The following ATG2A variants were observed in gnomAD, a reference collection of about 807,000 sequenced individuals.
ATG2A encodes autophagy related 2A.
A neutral mutation model predicts 214.2 loss-of-function variants in ATG2A; 103 were observed. The ratio of observed to expected loss-of-function variants is 0.48; its 90% CI spans 0.41 to 0.57. The LOEUF (loss-of-function observed/expected upper bound fraction) is 0.57. ATG2A is among the 20% of genes least tolerant of loss of function. ATG2A has a pLI of 0.00. For missense variants in ATG2A, 2,312 were observed against 2,613.2 expected (o/e 0.88, Z 2.51); for synonymous variants, 1,160 against 1,142.1 (o/e 1.02, Z -0.32).
At position 64,902,719 on chromosome 11, in the gene ATG2A, A is replaced by T. The variant is rs118066863; in HGVS notation, c.3613-39T>A. The T allele has an allele frequency of 8.5e-4, 1,344 of 1,585,152 alleles. 15 individuals carry two copies. The East Asian group carries it at 0.024, about 29-fold the overall frequency. On this transcript the variant is annotated intron_variant, in intron 26 of 40. Coordinates refer to ENST00000377264, the MANE Select transcript of ATG2A (RefSeq NM_015104.3). ...GTGGGGGGAGCAGCTATGTGAACAC[A>T]GGGGCCACTGCCTGCTGGCCCCACC...
At position 64,913,258 on chromosome 11, in the gene ATG2A, C is replaced by CCGCTCA; in HGVS notation, c.726+2_726+7dup. 1 of 1,612,036 alleles carries CCGCTCA rather than the reference C, an allele frequency of 6.2e-7. No individual in the cohort carries two copies. Among genetic ancestry groups the CCGCTCA allele is most frequent in the Non-Finnish European group, 8.5e-7 (1 of 1,179,774 alleles). ...AGACAGGGGCTGTGGGAATCAGAGCCCGCTCACCTGTGCCGGGAGCTCCTC... is the reference window on the plus strand; with the variant it reads ...AGACAGGGGCTGTGGGAATCAGAGCCCGCTCACGCTCACCTGTGCCGGGAGCTCCTC... On this transcript the variant is annotated splice_region_variant and intron_variant, in intron 5 of 40. Transcript: ENST00000377264. This position sits in a 1 kb window ranked among gnomAD's most constrained non-coding sequence, Gnocchi z 4.3.
Position 64,907,768 on chromosome 11 carries a change from G to A in ATG2A, c.2487C>T (p.Val829=). 6.2e-7 allele frequency: 1 copy of A among 1,613,458 alleles called. No individual in the cohort carries two copies. Residue 829 remains valine, a synonymous_variant, in exon 17 of 41, where the codon GTC becomes GTT. Coordinates refer to ENST00000377264, the MANE Select transcript of ATG2A (RefSeq NM_015104.3). The part of the protein sequence containing the change: ...SVHIFLPSKE[V]YESIYNRINN... ...TCCACCTGTTGTAGATGCTCTCGTA[G>A]ACCTCCTTGCTGGGCAGAAAGATGT...
chr11:64,910,264 T>C, intron 12 of ATG2A, 69 bp from the exon 13 acceptor site: 1 of 1,509,802 alleles, frequency 6.6e-7, no homozygotes. Flanking sequence ...GAAGGCCCTC[T>C]CTGGTAGTGG....
rs558747985 is a variant in ATG2A at position 64,906,756 on chromosome 11, G to A, written c.2892C>T (p.His964=). The change falls in exon 20 of 41, where the codon CAC becomes CAT. Residue 964 remains histidine, a synonymous_variant. Transcript: ENST00000377264. ...ACTGGGAGACGCTGAAGAGGGTACC[G>A]TGCTCCATGTCCAGCACCAGCTCCC... ...VHGELVLDME[H]GTLFSVSQYC... is the part of the protein sequence containing the mutation. 1.1e-5 allele frequency: 18 copies of A among 1,613,494 alleles called. No individual in the cohort carries two copies. In the Admixed American group the frequency reaches 1.2e-4, roughly 10 times the overall value.
In ATG2A at chr11:64,897,717, G is replaced by A; in HGVS notation, c.5021C>T (p.Pro1674Leu). 6.2e-7 allele frequency: 1 copy of A among 1,614,236 alleles called. No individual in the cohort carries two copies. Among genetic ancestry groups the A allele is most frequent in the South Asian group, 1.1e-5 (1 of 91,086 alleles). Residue 1674 changes from proline to leucine, a missense_variant, in exon 36 of 41, where the codon CCC becomes CTC. Pro to Leu is a moderately conservative substitution (Grantham distance 98). Coordinates refer to ENST00000377264, the MANE Select transcript of ATG2A (RefSeq NM_015104.3). ...FREFRFTSEV[P>L]IWLDYHGKHV... ...CTTGCCATGGTAATCCAGCCAGATG[G>A]GGACCTCAGACGTGAAGCGGAACTC... is the stretch of plus-strand genomic sequence containing the variant.
rs1343517455 is a variant in ATG2A, at chr11:64,905,599, C to T, written c.3428G>A (p.Ser1143Asn). 6.2e-7 allele frequency: 1 copy of T among 1,613,464 alleles called. No homozygotes were observed. The highest frequency in any genetic ancestry group is 1.7e-4 in the Middle Eastern group (1 of 6,032). The change falls in exon 24 of 41, where the codon AGC (serine) becomes AAC (asparagine). Residue 1143 changes from serine to asparagine, a missense_variant. Physicochemically the swap from Ser to Asn is conservative, Grantham distance 46. Coordinates refer to ENST00000377264, the MANE Select transcript of ATG2A (RefSeq NM_015104.3). ...LITAETFTLS[S>N]NIIMDTSTFL... is the part of the protein sequence containing the mutation. ...GGTGGAGGTGTCCATGATGATGTTG[C>T]TGGAGAGAGTGAAGGTCTCCGCGGT...
At chr11:64,901,150 C>A in intron 29 of ATG2A, 58 bp from the exon 30 acceptor site, 1 of 1,499,268 alleles carries the variant, frequency 6.7e-7, no homozygotes. Flanking sequence ...CAGCTGCCCC[C>A]AGCCCCAGCA....
At chr11:64,907,689 G>A in intron 17 of ATG2A, 25 bp from the exon 18 acceptor site, 1 of 1,599,158 alleles carries the variant, frequency 6.3e-7, no homozygotes, top group African/African-American at 1.3e-5. Context: ...TGGACAGCAG[G>A]TAAGGGAGGC....
chr11:64,913,363 T>C lies in ATG2A; in HGVS notation c.629A>G (p.Gln210Arg), dbSNP rs1423643954. Residue 210 changes from glutamine (Q) to arginine (R), a missense_variant, in exon 5 of 41, where the codon CAG becomes CGG. By Grantham distance (43) the Gln-to-Arg change is conservative (BLOSUM62 1). Transcript: ENST00000377264. This position sits in a 1 kb window ranked among gnomAD's most constrained non-coding sequence, Gnocchi z 4.3. Reference sequence around the variant, plus strand: ...CTGATGCACGTCCACCGGCGGCGCCTGGCTTGGGTCCCGCACTGCCTCATC... The same window carrying C: ...CTGATGCACGTCCACCGGCGGCGCCCGGCTTGGGTCCCGCACTGCCTCATC... ...YCDEAVRDPS[Q>R]APPVDVHQPP... 6.9e-6 allele frequency: 11 copies of C among 1,599,914 alleles called. No individual in the cohort carries two copies. The highest frequency in any genetic ancestry group is 9.4e-6 in the Non-Finnish European group (11 of 1,174,730).
At chr11:64,910,770 A>G in intron 11 of ATG2A, 37 bp downstream of exon 11, 1 of 1,610,704 alleles carries the variant, frequency 6.2e-7, no homozygotes, top group East Asian at 2.2e-5. Flanking sequence ...CCAAACCTCC[A>G]GACCCCGCCT....
Position 64,913,771 on chromosome 11 carries a change from C to G in ATG2A, c.590+50G>C, listed in dbSNP as rs767603465. ...CTGCGGGTGGGGACCATCCAGCAGC[C>G]CCCACTCCCCATCTTCACACCAGTC... On this transcript the variant is annotated intron_variant, in intron 4 of 40. Transcript: ENST00000377264. This position sits in a 1 kb window ranked among gnomAD's most constrained non-coding sequence, Gnocchi z 4.3. 1 of 1,570,214 alleles carries G rather than the reference C, an allele frequency of 6.4e-7. No individual in the cohort carries two copies. The highest frequency in any genetic ancestry group is 8.7e-7 in the Non-Finnish European group (1 of 1,147,988).
intron 12 of ATG2A, 49 bp from the exon 13 acceptor site, chr11:64,910,244 G>C: frequency 6.5e-7 from 1 of 1,526,958 alleles, no homozygotes; most frequent in South Asian, 1.3e-5. Flanking sequence ...GTACTCAGCG[G>C]GTGGGACAGG....
Position 64,906,664 on chromosome 11 carries a change from C to T in ATG2A, c.2983+1G>A. 3 of 1,613,540 alleles carry T rather than the reference C, an allele frequency of 1.9e-6. No individual in the cohort carries two copies. The highest frequency in any genetic ancestry group is 2.5e-6 in the Non-Finnish European group (3 of 1,179,992). ...TGGTGACCTGCCCCCAGGCCTCACA[C>T]CTCGGTGGTAGAGTGTTGCCTTTTC... On this transcript the variant is annotated splice_donor_variant, in intron 20 of 40. Coordinates refer to ENST00000377264, the MANE Select transcript of ATG2A (RefSeq NM_015104.3). LOFTEE classifies it high-confidence loss of function.
At position 64,896,683 on chromosome 11, in the gene ATG2A, A is replaced by G. The variant is rs931743501; in HGVS notation, c.5272+65T>C. The G allele has an allele frequency of 8.7e-6, 14 of 1,606,710 alleles. No homozygotes were observed. In the African/African-American group the frequency reaches 9.4e-5, roughly 11 times the overall value. On this transcript the variant is annotated intron_variant, in intron 38 of 40. Transcript: ENST00000377264. ...CCCCCACCTCCTCCTCTTATTCCCA[A>G]TGGCAGCTTCTAGGTTGCCCAAGGG...
In ATG2A at chr11:64,917,016, G is replaced by T. The variant is rs1409043601; in HGVS notation, c.120C>A (p.Leu40=). The change falls in exon 1 of 41, where the codon CTC becomes CTA. Residue 40 remains leucine (L), a synonymous_variant. Coordinates refer to ENST00000377264, the MANE Select transcript of ATG2A (RefSeq NM_015104.3). ...GGGCAACGCTGCCCTTGTACAGATC[G>T]AGGCTGAGCTGGTCCAGGCTGAGGT... ...QEHLSLDQLS[L]DLYKGSVALR... 6.2e-6 allele frequency: 10 copies of T among 1,613,722 alleles called. No individual in the cohort carries two copies. Among genetic ancestry groups the T allele is most frequent in the Non-Finnish European group, 8.5e-6 (10 of 1,180,016 alleles).
At chr11:64,897,590 C>T in intron 36 of ATG2A, 81 bp downstream of exon 36, 1 of 1,606,580 alleles carries the variant, frequency 6.2e-7, no homozygotes, top group South Asian at 1.1e-5. Context: ...GCTAACAGTG[C>T]CTGGATGCAA....
intron 16 of ATG2A, among the ~76,000 whole-genome samples, chr11:64,908,252 T>C (rs1270544140): frequency 6.6e-6 from 1 of 152,102 alleles, no homozygotes; most frequent in Non-Finnish European, 1.5e-5. Flanking sequence ...ACCCTGTCTC[T>C]ACTAAAAATA....
In ATG2A at chr11:64,910,092, G is replaced by T; in HGVS notation, c.1811C>A (p.Ala604Asp). ...DVELGALDRLAALLRLATVPA... is the reference protein window; with the variant it reads ...DVELGALDRLDALLRLATVPA... Reference sequence around the variant, plus strand: ...TACGGTGGCCAGGCGCAGTAGGGCGGCCAGCCGGTCCAGGGCCCCCAGCTC... The same window carrying T: ...TACGGTGGCCAGGCGCAGTAGGGCGTCCAGCCGGTCCAGGGCCCCCAGCTC... Residue 604 changes from alanine to aspartate, a missense_variant, in exon 13 of 41, where the codon GCC (alanine) becomes GAC (aspartate). Transcript: ENST00000377264. 1 of 1,609,006 alleles carries T rather than the reference G, an allele frequency of 6.2e-7. No individual in the cohort carries two copies. The highest frequency in any genetic ancestry group is 1.1e-5 in the South Asian group (1 of 90,846).
At position 64,898,945 on chromosome 11, in the gene ATG2A, ACT is replaced by A. The variant is rs1944257990; in HGVS notation, c.4465-105_4465-104del. 8.7e-7 allele frequency: 1 copy of A among 1,154,212 alleles called. No homozygotes were observed. The highest frequency in any genetic ancestry group is 1.2e-6 in the Non-Finnish European group (1 of 819,212). 71.5% of individuals were successfully genotyped at this position (1,154,212 alleles called of 1,614,324 possible). ...TATTCTTTTTTTGAGACAGAGTCTCACTCTGTCGCCCAGGTTGGAGTGCAGTG... is the reference window on the plus strand; with the variant it reads ...TATTCTTTTTTTGAGACAGAGTCTCACTGTCGCCCAGGTTGGAGTGCAGTG... On this transcript the variant is annotated intron_variant, in intron 31 of 40. Transcript: ENST00000377264. The surrounding 1 kb of genome is among the most constrained non-coding windows in gnomAD (Gnocchi z 4.5).
Sources: gnomAD v4.1 joint callset for allele counts (sites outside exome capture counted in the v4.1 genomes callset) on GRCh38, gnomAD v4.1.1 for gene constraint, Gnocchi (gnomAD v3.1) non-coding constraint, MANE v1.5 for transcripts, NCBI Gene and HGNC (gene_info 2026-07-23, HGNC 2026-07-21) for gene names.